DCHS2: variants seen among roughly 807,000 people sequenced by gnomAD.
DCHS2 encodes protocadherin-23.
A neutral mutation model predicts 182.4 loss-of-function variants in DCHS2; 142 were observed. That is an observed-to-expected ratio of 0.78 (90% CI 0.68 to 0.89). DCHS2 has a LOEUF of 0.89. Ranked by LOEUF, DCHS2 falls within the 40% of genes least tolerant of loss-of-function variation. The pLI, the probability that DCHS2 is intolerant of heterozygous loss-of-function variation, is 0.00. For missense variants in DCHS2, 4,319 were observed against 4,198.6 expected (o/e 1.03, Z -0.79); for synonymous variants, 1,740 against 1,663.3 (o/e 1.05, Z -1.12).
intron 1 of DCHS2, among the ~76,000 whole-genome samples, chr4:154,479,541 A>G (rs1373223367): frequency 6.6e-6 from 1 of 152,220 alleles, no homozygotes; most frequent in Non-Finnish European, 1.5e-5. Flanking sequence ...TAGAGAAATA[A>G]TGATAAAGTA....
In DCHS2 at chr4:154,366,317, A is replaced by T. The variant is rs1436400800; in HGVS notation, c.2369T>A (p.Ile790Asn). The T allele has an allele frequency of 6.2e-7, 1 of 1,613,654 alleles. No homozygotes were observed. Among genetic ancestry groups the T allele is most frequent in the Non-Finnish European group, 8.5e-7 (1 of 1,179,904 alleles). ...ISDETQPGTE[I>N]INVLATDQDS... ...CTGGTCAGTGGCAAGAACATTGATG[A>T]TCTCGGTGCCTGGCTGGGTCTCATC... The change falls in exon 3 of 20, where the codon ATC becomes AAC. Residue 790 changes from isoleucine (I) to asparagine (N), a missense_variant. Physicochemically the swap from Ile to Asn is moderately radical, Grantham distance 149. Transcript: ENST00000357232.
At chr4:154,326,285 T>C (rs1467607090) in intron 7 of DCHS2, among the ~76,000 whole-genome samples, 1 of 152,188 alleles carries the variant, frequency 6.6e-6, no homozygotes, top group Non-Finnish European at 1.5e-5. Context: ...AATTTTATTA[T>C]TTATTTACTG....
chr4:154,416,197 T>A (rs1016281110), intron 1 of DCHS2, among the ~76,000 whole-genome samples: 1 of 151,788 alleles, frequency 6.6e-6, no homozygotes, highest in Non-Finnish European at 1.5e-5. Flanking sequence ...GTTGGGGAGA[T>A]CCCACAGGAA....
At chr4:154,443,091 C>A (rs10010133) in intron 1 of DCHS2, among the ~76,000 whole-genome samples, 4 of 151,762 alleles carry the variant, frequency 2.6e-5, no homozygotes, top group Non-Finnish European at 5.9e-5. Context: ...CAACCACCAC[C>A]GCCTCATGCC....
chr4:154,450,710 G>A (rs1236746464), intron 1 of DCHS2, among the ~76,000 whole-genome samples: 2 of 152,246 alleles, frequency 1.3e-5, no homozygotes, highest in Non-Finnish European at 2.9e-5. Context: ...GCACATGCCT[G>A]TAATCCCAGC....
intron 1 of DCHS2, among the ~76,000 whole-genome samples, chr4:154,420,951 T>C (rs913793246): frequency 2.0e-5 from 3 of 152,182 alleles, no homozygotes; most frequent in Non-Finnish European, 4.4e-5. Context: ...AAATTACTAG[T>C]GCCTACTTGT....
chr4:154,429,355 G>A (rs1733466706), intron 1 of DCHS2, among the ~76,000 whole-genome samples: 1 of 152,194 alleles, frequency 6.6e-6, no homozygotes, highest in Non-Finnish European at 1.5e-5. Context: ...CTCAGTGCAT[G>A]TGTTTTGATG....
chr4:154,392,255 A>G (rs1276071213), intron 1 of DCHS2, among the ~76,000 whole-genome samples: 4 of 152,198 alleles, frequency 2.6e-5, no homozygotes, highest in African/African-American at 9.7e-5. Context: ...AATGAGTATC[A>G]TAATTCAGAA....
At chr4:154,239,646 C>T (rs1731705666) in intron 18 of DCHS2, among the ~76,000 whole-genome samples, 1 of 151,912 alleles carries the variant, frequency 6.6e-6, no homozygotes, top group Non-Finnish European at 1.5e-5. Context: ...GTAGCTGGGA[C>T]TACAGGTACC....
chr4:154,412,207 T>C lies in DCHS2; in HGVS notation c.2053-34763A>G, dbSNP rs80106984. Among the ~76,000 whole-genome samples the C allele has an allele frequency of 4.2e-3, 643 of 152,260 alleles. 1 individual carries two copies. The highest frequency in any genetic ancestry group is 0.024 in the Middle Eastern group (7 of 294). On this transcript the variant is annotated intron_variant, in intron 1 of 19. Coordinates refer to ENST00000357232, the MANE Select transcript of DCHS2 (RefSeq NM_001358235.2). ...GATCTCTTTTTCCAAGTGAATTCTC[T>C]CTTGTCAACATTGGGAATAAAGAGA...
chr4:154,333,319 G>A lies in DCHS2; in HGVS notation c.2889C>T (p.Thr963=). ...CATCCATGACTGTTATGTTGACCTCGGTGCTGCTGCAGGCTGGGGCGCTGC... is the reference window on the plus strand; with the variant it reads ...CATCCATGACTGTTATGTTGACCTCAGTGCTGCTGCAGGCTGGGGCGCTGC... The part of the protein sequence containing the change: ...QLGSAPACSS[T]EVNITVMDVN... Residue 963 remains threonine, a synonymous_variant, in exon 5 of 20, where the codon ACC becomes ACT. Transcript: ENST00000357232. 6.2e-7 allele frequency: 1 copy of A among 1,614,152 alleles called. No homozygotes were observed. The highest frequency in any genetic ancestry group is 8.5e-7 in the Non-Finnish European group (1 of 1,180,024).
intron 1 of DCHS2, among the ~76,000 whole-genome samples, chr4:154,468,515 C>G (rs1735327441): frequency 6.6e-6 from 1 of 152,054 alleles, no homozygotes; most frequent in African/African-American, 2.4e-5. Flanking sequence ...AAAATCCTCA[C>G]CTGCCATACA....
intron 13 of DCHS2, among the ~76,000 whole-genome samples, chr4:154,282,615 G>C (rs1734204569): frequency 6.6e-6 from 1 of 152,060 alleles, no homozygotes; most frequent in African/African-American, 2.4e-5. Context: ...ACATAGTACA[G>C]AGGTTCCTCA....
intron 3 of DCHS2, among the ~76,000 whole-genome samples, chr4:154,351,591 C>G (rs1012992848): frequency 3.8e-4 from 58 of 152,212 alleles, no homozygotes; most frequent in African/African-American, 1.3e-3. Context: ...TGATCCTCAA[C>G]CTTTTTGGTA....
chr4:154,333,153 C>T lies in DCHS2; in HGVS notation c.3055G>A (p.Ala1019Thr). Reference sequence around the variant, plus strand: ...GCAAAGACGCCTGGCTGCGGGCTGGCGATGGAGTACCGGATGAGTCCGTTC... The same window carrying T: ...GCAAAGACGCCTGGCTGCGGGCTGGTGATGGAGTACCGGATGAGTCCGTTC... ...GRNGLIRYSI[A>T]SPQPGVFAID... Residue 1019 changes from alanine (A) to threonine (T), a missense_variant, in exon 5 of 20, where the codon GCC becomes ACC. Physicochemically the swap from Ala to Thr is moderately conservative, Grantham distance 58 (BLOSUM62 0). Coordinates refer to ENST00000357232, the MANE Select transcript of DCHS2 (RefSeq NM_001358235.2). 6.2e-7 allele frequency: 1 copy of T among 1,614,124 alleles called. No individual in the cohort carries two copies. The highest frequency in any genetic ancestry group is 8.5e-7 in the Non-Finnish European group (1 of 1,180,034).
At position 154,490,077 on chromosome 4, in the gene DCHS2, A is replaced by C; in HGVS notation, c.1279T>G (p.Ser427Ala). 6.5e-7 allele frequency: 1 copy of C among 1,549,310 alleles called. No individual in the cohort carries two copies. Among genetic ancestry groups the C allele is most frequent in the Non-Finnish European group, 8.7e-7 (1 of 1,146,820 alleles). Reference sequence around the variant, plus strand: ...TAGTCGCCCGGTCGGGCGCCTTCAGAGACACGGGCGACGCCTCCCTCTGTG... The same window carrying C: ...TAGTCGCCCGGTCGGGCGCCTTCAGCGACACGGGCGACGCCTCCCTCTGTG... ...FLTEGGVARVSEGARPGDYVA... is the reference protein window; with the variant it reads ...FLTEGGVARVAEGARPGDYVA... Residue 427 changes from serine (S) to alanine (A), a missense_variant, in exon 1 of 20, where the codon TCT (serine) becomes GCT (alanine). Coordinates refer to ENST00000357232, the MANE Select transcript of DCHS2 (RefSeq NM_001358235.2).
intron 1 of DCHS2, among the ~76,000 whole-genome samples, chr4:154,409,802 A>C (rs1320377850): frequency 6.6e-6 from 1 of 152,150 alleles, no homozygotes; most frequent in Admixed American, 6.5e-5. Flanking sequence ...CAAGAAGAAA[A>C]GGTCCCAAAA....
intron 12 of DCHS2, among the ~76,000 whole-genome samples, chr4:154,303,670 TA>T (rs1364276372): frequency 1.3e-5 from 2 of 152,040 alleles, no homozygotes; most frequent in African/African-American, 2.4e-5. Flanking sequence ...TAATTTGAAA[TA>T]GGAGGAACAA....
At chr4:154,260,925 T>C (rs1732958270) in intron 14 of DCHS2, among the ~76,000 whole-genome samples, 1 of 152,148 alleles carries the variant, frequency 6.6e-6, no homozygotes, top group African/African-American at 2.4e-5. Context: ...ATACTCTAGT[T>C]TCCCCCACCC....
Sources: gnomAD v4.1 joint callset for allele counts (sites outside exome capture counted in the v4.1 genomes callset) on GRCh38, gnomAD v4.1.1 for gene constraint, MANE v1.5 for transcripts, NCBI Gene and HGNC (gene_info 2026-07-23, HGNC 2026-07-21) for gene names.